Variants in RHBDD2 observed in about 807,000 individuals in gnomAD.
RHBDD2 encodes the protein rhomboid domain-containing protein 2.
RHBDD2 carries 13 observed loss-of-function variants against 21.7 expected under a neutral mutation model. The ratio of observed to expected loss-of-function variants is 0.60; its 90% CI spans 0.39 to 0.95. The LOEUF (loss-of-function observed/expected upper bound fraction) is 0.95. RHBDD2 is among the 40% of genes least tolerant of loss of function. The pLI, the probability that RHBDD2 is intolerant of heterozygous loss-of-function variation, is 0.00. For missense variants in RHBDD2, 473 were observed against 478.9 expected, an observed-to-expected ratio of 0.99 and a Z score of 0.11; for synonymous variants, 225 against 220.0, an observed-to-expected ratio of 1.02 and a Z score of -0.20.
intron 3 of RHBDD2, among the ~76,000 whole-genome samples, chr7:75,886,982 T>C (rs536782023): frequency 6.6e-6 from 1 of 152,196 alleles, no homozygotes; most frequent in African/African-American, 2.4e-5. Context: ...GTCCAGTCCC[T>C]CAGGTCTGGT....
chr7:75,886,586 G>A (rs544861741), intron 3 of RHBDD2, among the ~76,000 whole-genome samples: 175 of 152,136 alleles, frequency 1.2e-3, no homozygotes, highest in Non-Finnish European at 1.9e-3. Context: ...AGGCTGATGC[G>A]GGTGGATCAC....
chr7:75,879,399 G>A (rs1024463109), intron 1 of RHBDD2, 139 bp downstream of exon 1: 10 of 792,350 alleles, frequency 1.3e-5, no homozygotes, highest in Non-Finnish European at 1.8e-5. Context: ...CACCATGCCC[G>A]CCCCCCGGAG....
At chr7:75,881,679 G>T (rs1462996122) in intron 1 of RHBDD2, 150 bp from the exon 2 acceptor site, 2 of 911,112 alleles carry the variant, frequency 2.2e-6, no homozygotes, top group South Asian at 1.7e-5. Context: ...ATTGTTGAAC[G>T]CACTGCTTGT....
intron 1 of RHBDD2, among the ~76,000 whole-genome samples, chr7:75,880,487 T>TA (rs1805258202): frequency 6.6e-6 from 1 of 152,158 alleles, no homozygotes; most frequent in Non-Finnish European, 1.5e-5. Flanking sequence ...ATGTGAGCGT[T>TA]AGAGACGTAA....
chr7:75,882,005 G>A lies in RHBDD2; in HGVS notation c.355G>A (p.Ala119Thr). ...CGCTATCATCTTCCTGTCATTCGAG[G>A]CTGTGTCATCACTGTCAAAGCTGGG... ...FSAIIFLSFE[A>T]VSSLSKLGEV... The change falls in exon 2 of 4, where the codon GCT (alanine) becomes ACT (threonine). Residue 119 changes from alanine to threonine, a missense_variant. Coordinates refer to ENST00000006777, the MANE Select transcript of RHBDD2 (RefSeq NM_001040456.3). 1 of 1,614,212 alleles carries A rather than the reference G, an allele frequency of 6.2e-7. No homozygotes were observed. The highest frequency in any genetic ancestry group is 8.5e-7 in the Non-Finnish European group (1 of 1,180,048).
In RHBDD2 at chr7:75,882,099, C is replaced by G. The variant is rs1327755770; in HGVS notation, c.449C>G (p.Ser150Cys). 3 of 1,614,120 alleles carry G rather than the reference C, an allele frequency of 1.9e-6. No homozygotes were observed. The African/African-American group carries it at 4.0e-5, about 22-fold the overall frequency. ...FAMLGVTTVR[S>C]RMRRALVFGM... The stretch of plus-strand genomic sequence containing the variant: ...ATGCTGGGAGTCACCACCGTCCGTT[C>G]TCGGATGAGGCGGGCCCTGGTGTTT... The change falls in exon 2 of 4, where the codon TCT (serine) becomes TGT (cysteine). Residue 150 changes from serine to cysteine, a missense_variant. Coordinates refer to ENST00000006777, the MANE Select transcript of RHBDD2 (RefSeq NM_001040456.3).
In RHBDD2 at chr7:75,879,267, A is replaced by AGGGGCGGGCCGGGATCGC; in HGVS notation, c.178+14_178+31dup. On this transcript the variant is annotated splice_region_variant and intron_variant, in intron 1 of 3. Transcript: ENST00000006777. ...GCCCTTCGCAACTGGCAAGGTGAGC[A>AGGGGCGGGCCGGGATCGC]GGGGCGGGCCGGGATCGCGGGGCGA... 1.3e-6 allele frequency: 2 copies of AGGGGCGGGCCGGGATCGC among 1,483,588 alleles called. No homozygotes were observed. Among genetic ancestry groups the AGGGGCGGGCCGGGATCGC allele is most frequent in the Non-Finnish European group, 1.8e-6 (2 of 1,116,140 alleles). The allele number at this position is 1,483,588 out of a possible 1,614,324, so 91.9% of individuals were successfully genotyped here. A position where few individuals can be genotyped will look rare whatever the true frequency, so the allele number is the denominator to read the frequency against.
In RHBDD2 at chr7:75,888,568, A is replaced by G; in HGVS notation, c.*219A>G. 2 of 528,680 alleles carry G rather than the reference A, an allele frequency of 3.8e-6. No homozygotes were observed. The highest frequency in any genetic ancestry group is 6.0e-5 in the East Asian group (2 of 33,464). 32.7% of individuals were successfully genotyped at this position (528,680 alleles called of 1,614,324 possible). Reference sequence around the variant, plus strand: ...GCAGAAAGCGAGACGTTCTGCCATCAGATAAAGTCACGTGGCTCTTTAGTA... The same window carrying G: ...GCAGAAAGCGAGACGTTCTGCCATCGGATAAAGTCACGTGGCTCTTTAGTA... On this transcript the variant is annotated 3_prime_UTR_variant, in exon 4 of 4. Transcript: ENST00000006777.
intron 1 of RHBDD2, chr7:75,881,507 GA>G: frequency 2.3e-6 from 3 of 1,315,594 alleles, no homozygotes; most frequent in Non-Finnish European, 3.0e-6. Context: ...ATGAAAACCT[GA>G]AAAAGGATTA....
In RHBDD2 at chr7:75,888,126, T is replaced by G; in HGVS notation, c.872T>G (p.Met291Arg). The G allele has an allele frequency of 6.2e-7, 1 of 1,613,852 alleles. No homozygotes were observed. Among genetic ancestry groups the G allele is most frequent in the Non-Finnish European group, 8.5e-7 (1 of 1,180,052 alleles). ...TGGCCCTCCTGCACCCCCGGGCACA[T>G]GCCCACCTTGCCTCCGTACCAGCCT... is the stretch of plus-strand genomic sequence containing the variant. ...ASWPSCTPGH[M>R]PTLPPYQPAS... The change falls in exon 4 of 4, where the codon ATG (methionine) becomes AGG (arginine). Residue 291 changes from methionine (M) to arginine (R), a missense_variant. Met to Arg is a moderately conservative substitution (Grantham distance 91). Transcript: ENST00000006777.
chr7:75,886,309 A>G (rs1554543857), intron 3 of RHBDD2, among the ~76,000 whole-genome samples: 2 of 152,206 alleles, frequency 1.3e-5, no homozygotes, highest in African/African-American at 4.8e-5. Flanking sequence ...GACTCACCGC[A>G]TTATTGCTTC....
chr7:75,887,321 AC>A (rs1283240868), intron 3 of RHBDD2, among the ~76,000 whole-genome samples: 14 of 146,070 alleles, frequency 9.6e-5, no homozygotes, highest in Non-Finnish European at 1.8e-4. Context: ...AAAAAAAAAA[AC>A]AATTTTTTTT....
At chr7:75,881,307 G>A (rs1805309346) in intron 1 of RHBDD2, 2 of 1,261,604 alleles carry the variant, frequency 1.6e-6, no homozygotes, top group Admixed American at 2.3e-5. Context: ...TAATGATAGT[G>A]TTATAATTCT....
chr7:75,882,713 T>C (rs1554542871), intron 2 of RHBDD2, among the ~76,000 whole-genome samples: 1 of 152,146 alleles, frequency 6.6e-6, no homozygotes, highest in African/African-American at 2.4e-5. Context: ...TATTAGGGGC[T>C]CTAGATTTTG....
At chr7:75,884,005 G>A (rs1805502619) in intron 3 of RHBDD2, among the ~76,000 whole-genome samples, 157 bp downstream of exon 3, 1 of 151,548 alleles carries the variant, frequency 6.6e-6, no homozygotes, top group East Asian at 1.9e-4. Flanking sequence ...TGATTCTTCT[G>A]CCTCAGTCTC....
At chr7:75,884,367 A>G (rs1554543325) in intron 3 of RHBDD2, among the ~76,000 whole-genome samples, 1 of 152,132 alleles carries the variant, frequency 6.6e-6, no homozygotes, top group Non-Finnish European at 1.5e-5. Context: ...GACTACAGGC[A>G]CATACCATCA....
At chr7:75,884,215 G>GTT (rs1805514053) in intron 3 of RHBDD2, among the ~76,000 whole-genome samples, 1 of 151,860 alleles carries the variant, frequency 6.6e-6, no homozygotes, top group African/African-American at 2.4e-5. Context: ...ATCTTATTCT[G>GTT]TTTTTTTATT....
intron 2 of RHBDD2, 48 bp from the exon 3 acceptor site, chr7:75,883,650 C>T (rs1554543033): frequency 1.3e-6 from 2 of 1,573,404 alleles, no homozygotes; most frequent in Middle Eastern, 1.7e-4. Context: ...GAGTGTTCGG[C>T]CCTCCTCCCT....
At chr7:75,882,871 T>A (rs1457283465) in intron 2 of RHBDD2, among the ~76,000 whole-genome samples, 2 of 152,150 alleles carry the variant, frequency 1.3e-5, no homozygotes, top group African/African-American at 4.8e-5. Context: ...TGTGGCTGCC[T>A]AATCAGTGGT....
Sources: allele counts gnomAD v4.1 joint callset (sites outside exome capture counted in the v4.1 genomes callset), GRCh38; gene constraint gnomAD v4.1.1; transcripts MANE v1.5; gene names NCBI Gene and HGNC (gene_info 2026-07-23, HGNC 2026-07-21).